The following KCNK10 variants were observed in gnomAD, a reference collection of about 807,000 sequenced individuals.
KCNK10 encodes potassium two pore domain channel subfamily K member 10.
KCNK10 carries 25 observed loss-of-function variants against 47.7 expected under a neutral mutation model. The ratio of observed to expected loss-of-function variants is 0.52; its 90% CI spans 0.38 to 0.73. The LOEUF (loss-of-function observed/expected upper bound fraction) is 0.73, where lower values mean the gene tolerates loss of function less well. KCNK10 is among the 30% of genes least tolerant of loss of function. The pLI, the probability that KCNK10 is intolerant of heterozygous loss-of-function variation, is 0.00. For synonymous variants in KCNK10, 303 were observed against 285.6 expected (o/e 1.06, Z -0.61); for missense variants, 563 against 714.5 (o/e 0.79, Z 2.42).
intron 4 of KCNK10, among the ~76,000 whole-genome samples, chr14:88,226,362 G>A (rs1440558825): frequency 6.6e-6 from 1 of 152,152 alleles, no homozygotes; most frequent in Non-Finnish European, 1.5e-5. Context: ...TTATTGCAGA[G>A]ACAGCCTTGA....
intron 4 of KCNK10, among the ~76,000 whole-genome samples, chr14:88,213,850 G>A (rs528948163): frequency 6.6e-6 from 1 of 151,752 alleles, no homozygotes; most frequent in African/African-American, 2.4e-5. Context: ...GTTTAGGACT[G>A]AGTTAAATCC....
At chr14:88,291,767 C>A (rs1887884648) in intron 1 of KCNK10, among the ~76,000 whole-genome samples, 1 of 152,150 alleles carries the variant, frequency 6.6e-6, no homozygotes, top group South Asian at 2.1e-4. Context: ...CAGTGTTTGG[C>A]CTGTAATGCA....
chr14:88,307,270 G>T (rs1888222574), intron 1 of KCNK10, among the ~76,000 whole-genome samples: 1 of 84,656 alleles, frequency 1.2e-5, no homozygotes, highest in Admixed American at 1.1e-4. Context: ...ATTCAAAATA[G>T]GTATGGATGC....
At chr14:88,265,909 A>G (rs1021019882) in intron 1 of KCNK10, among the ~76,000 whole-genome samples, 7 of 152,170 alleles carry the variant, frequency 4.6e-5, no homozygotes, top group African/African-American at 1.7e-4. Flanking sequence ...CCCTAGCCAT[A>G]TGGAACTGTG....
chr14:88,278,303 A>G (rs556295758), intron 1 of KCNK10, among the ~76,000 whole-genome samples: 43 of 152,336 alleles, frequency 2.8e-4, no homozygotes, highest in African/African-American at 9.9e-4. Context: ...TCCCCATATG[A>G]GAAGTGTCCC....
intron 1 of KCNK10, among the ~76,000 whole-genome samples, chr14:88,310,420 G>A (rs1002824391): frequency 2.0e-5 from 3 of 151,938 alleles, no homozygotes; most frequent in African/African-American, 7.3e-5. Context: ...CCAGATGGAT[G>A]AGTGACAACA....
At chr14:88,222,249 C>T (rs921154643) in intron 4 of KCNK10, among the ~76,000 whole-genome samples, 2 of 152,150 alleles carry the variant, frequency 1.3e-5, no homozygotes, top group African/African-American at 4.8e-5. Context: ...ATTCAACTAC[C>T]TCCCCCTGGG....
chr14:88,189,422 C>T (rs941858528), intron 5 of KCNK10, among the ~76,000 whole-genome samples: 2 of 152,298 alleles, frequency 1.3e-5, no homozygotes, highest in African/African-American at 2.4e-5. Flanking sequence ...AGGTTCATTT[C>T]GTTTCTGTGC....
intron 1 of KCNK10, among the ~76,000 whole-genome samples, chr14:88,309,058 A>T (rs552018154): frequency 1.1e-4 from 17 of 152,310 alleles, no homozygotes; most frequent in African/African-American, 4.1e-4. Context: ...AGGAGGGCAG[A>T]GACTTCGTCT....
chr14:88,301,306 G>C (rs1476891142), intron 1 of KCNK10, among the ~76,000 whole-genome samples: 1 of 152,024 alleles, frequency 6.6e-6, no homozygotes, highest in Non-Finnish European at 1.5e-5. Flanking sequence ...ATCTTGAGTC[G>C]TTGTAGAGCC....
chr14:88,273,511 G>A (rs1011067383), intron 1 of KCNK10, among the ~76,000 whole-genome samples: 3 of 152,110 alleles, frequency 2.0e-5, no homozygotes, highest in African/African-American at 4.8e-5. Context: ...TTATTGTTCC[G>A]ATAAAATAAA....
rs1884765814 is a variant in KCNK10, at chr14:88,192,080, A to T, written c.868+144T>A. 5 of 736,780 alleles carry T rather than the reference A, an allele frequency of 6.8e-6. No homozygotes were observed. The African/African-American group carries it at 8.9e-5, about 13-fold the overall frequency. The allele number at this position is 736,780 out of a possible 1,614,324, so 45.6% of individuals were successfully genotyped here. A position where few individuals can be genotyped will look rare whatever the true frequency, so the allele number is the denominator to read the frequency against. The stretch of plus-strand genomic sequence containing the variant: ...TATATTACATAGGACTAGGGATTTG[A>T]AATGAGCCTCTTCACAGCAGTAGTG... On this transcript the variant is annotated intron_variant, in intron 5 of 6. Transcript: ENST00000319231.
intron 1 of KCNK10, among the ~76,000 whole-genome samples, chr14:88,272,066 G>A (rs1386336463): frequency 2.0e-5 from 3 of 152,020 alleles, no homozygotes; most frequent in East Asian, 1.9e-4. Flanking sequence ...TGTCTTCCAC[G>A]ATGGCCCCAC....
At chr14:88,295,060 A>C (rs77303977) in intron 1 of KCNK10, among the ~76,000 whole-genome samples, 3,881 of 152,356 alleles carry the variant, frequency 0.025, 76 homozygotes, top group Middle Eastern at 0.061. Context: ...GAGCCAAACA[A>C]GTATTTAAGT....
intron 3 of KCNK10, among the ~76,000 whole-genome samples, chr14:88,231,670 C>G (rs185883983): frequency 1.3e-5 from 2 of 152,190 alleles, no homozygotes; most frequent in African/African-American, 2.4e-5. Flanking sequence ...GACTTTCTCA[C>G]GTTGAATTAG....
Position 88,187,829 on chromosome 14 carries a change from G to C in KCNK10, c.1011+138C>G, listed in dbSNP as rs75846162. 97 of 754,190 alleles carry C rather than the reference G, an allele frequency of 1.3e-4. No homozygotes were observed. In the East Asian group the frequency reaches 1.8e-3, roughly 14 times the overall value. 46.7% of individuals were successfully genotyped at this position (754,190 alleles called of 1,614,324 possible). On this transcript the variant is annotated intron_variant, in intron 6 of 6. Transcript: ENST00000319231. ...GCTTTGAAGGACTGATTCAACATGA[G>C]GAAGCCTATGACCCGCCCCCCGCTC...
intron 1 of KCNK10, among the ~76,000 whole-genome samples, chr14:88,267,953 A>G (rs2139759591): frequency 6.6e-6 from 1 of 152,314 alleles, no homozygotes; most frequent in Admixed American, 6.5e-5. Flanking sequence ...TCCTCACTAC[A>G]AGGAATTATC....
intron 2 of KCNK10, among the ~76,000 whole-genome samples, chr14:88,252,990 G>A (rs547385796): frequency 2.0e-5 from 3 of 152,260 alleles, no homozygotes; most frequent in East Asian, 1.9e-4. Flanking sequence ...AGGAGAGTAC[G>A]ATTAAGAGAG....
intron 2 of KCNK10, among the ~76,000 whole-genome samples, chr14:88,250,174 A>G (rs999970565): frequency 1.3e-5 from 2 of 152,118 alleles, no homozygotes; most frequent in African/African-American, 4.8e-5. Flanking sequence ...TGGCATGCCA[A>G]TTTCCATTAC....
Sources: gnomAD v4.1 joint callset for allele counts (sites outside exome capture counted in the v4.1 genomes callset) on GRCh38, gnomAD v4.1.1 for gene constraint, MANE v1.5 for transcripts, NCBI Gene and HGNC (gene_info 2026-07-23, HGNC 2026-07-21) for gene names.